The following CYP51A1 variants were observed in gnomAD, a reference collection of about 807,000 sequenced individuals.
CYP51A1 encodes the protein cytochrome P450 family 51 subfamily A member 1.
A neutral mutation model predicts 53.5 loss-of-function variants in CYP51A1; 45 were observed. That is an observed-to-expected ratio of 0.84 (90% CI 0.66 to 1.08). The LOEUF is 1.08. CYP51A1 is among the 50% of genes least tolerant of loss of function. The pLI is 0.00. For synonymous variants in CYP51A1, 181 were observed against 217.7 expected (o/e 0.83, Z 1.48); for missense variants, 462 against 621.7 (o/e 0.74, Z 2.73).
chr7:92,129,689 A>G (rs573246405), intron 2 of CYP51A1, among the ~76,000 whole-genome samples: 25 of 152,300 alleles, frequency 1.6e-4, no homozygotes, highest in African/African-American at 6.0e-4. Flanking sequence ...TACTGTCCCA[A>G]CTCACCAAGC....
chr7:92,120,353 C>T (rs190739455), intron 7 of CYP51A1, among the ~76,000 whole-genome samples: 98 of 152,308 alleles, frequency 6.4e-4, no homozygotes, highest in African/African-American at 2.2e-3. Context: ...GAATTCAAAA[C>T]TTATTACAAA....
intron 2 of CYP51A1, among the ~76,000 whole-genome samples, chr7:92,129,742 T>C (rs971217357): frequency 2.6e-5 from 4 of 152,112 alleles, no homozygotes; most frequent in Admixed American, 2.6e-4. Flanking sequence ...ATAATCACAT[T>C]AACAAACATA....
chr7:92,112,847 AGG>A lies in CYP51A1; in HGVS notation c.*816_*817del, dbSNP rs1473721046. On this transcript the variant is annotated 3_prime_UTR_variant, in exon 10 of 10. Transcript: ENST00000003100. ...CCATCTCAAAAAAAAAAAAAAAAAA[AGG>A]AAGCAGGGAACAACTGAGCCAAAAC... The A allele has an allele frequency of 2.7e-5, 4 of 150,512 alleles. No homozygotes were observed. The highest frequency in any genetic ancestry group is 7.5e-5 in the African/African-American group (3 of 40,262). The allele number at this position is 150,512 out of a possible 1,614,324, so 9.3% of individuals were successfully genotyped here.
chr7:92,130,278 C>T (rs1009429713), intron 2 of CYP51A1, among the ~76,000 whole-genome samples: 20 of 152,158 alleles, frequency 1.3e-4, no homozygotes, highest in African/African-American at 4.8e-4. Context: ...TCGTTTCTCT[C>T]ACCTATAAAA....
At chr7:92,113,880 T>A in intron 9 of CYP51A1, 37 bp from the exon 10 acceptor site, 2 of 1,441,068 alleles carry the variant, frequency 1.4e-6, no homozygotes, top group Non-Finnish European at 1.9e-6. Context: ...TCAGTTTAAA[T>A]TCTTTCTCAT....
Position 92,134,453 on chromosome 7 carries a change from G to T in CYP51A1, c.-89C>A. 7.2e-7 allele frequency: 1 copy of T among 1,388,702 alleles called. No homozygotes were observed. The highest frequency in any genetic ancestry group is 9.6e-7 in the Non-Finnish European group (1 of 1,040,038). The allele number at this position is 1,388,702 out of a possible 1,614,324, so 86.0% of individuals were successfully genotyped here. A position where few individuals can be genotyped will look rare whatever the true frequency, so the allele number is the denominator to read the frequency against. On this transcript the variant is annotated 5_prime_UTR_variant, in exon 1 of 10. Transcript: ENST00000003100. ...GAAGCTGGCAGATGGTCGTCCACAG[G>T]GGGCCTTGCCCCAGGTCTCCTACTA... is the stretch of plus-strand genomic sequence containing the variant.
At chr7:92,131,236 C>T (rs1819910679) in intron 2 of CYP51A1, among the ~76,000 whole-genome samples, 1 of 152,132 alleles carries the variant, frequency 6.6e-6, no homozygotes, top group African/African-American at 2.4e-5. Context: ...AATAGGATAT[C>T]TAAATTAATA....
intron 5 of CYP51A1, among the ~76,000 whole-genome samples, chr7:92,124,221 A>G (rs1202310270): frequency 2.0e-5 from 3 of 152,238 alleles, no homozygotes; most frequent in African/African-American, 4.8e-5. Context: ...TCCAATTTTA[A>G]TACCAAATCA....
chr7:92,133,324 G>A (rs970243552), intron 1 of CYP51A1, among the ~76,000 whole-genome samples: 3 of 150,906 alleles, frequency 2.0e-5, no homozygotes, highest in Non-Finnish European at 4.4e-5. Context: ...GCGCAATCTC[G>A]GTTTACTGCA....
chr7:92,114,727 A>G (rs1239186211), intron 9 of CYP51A1, among the ~76,000 whole-genome samples: 1 of 152,232 alleles, frequency 6.6e-6, no homozygotes, highest in East Asian at 1.9e-4. Flanking sequence ...TTCATGACTC[A>G]GGGGCTAAGC....
At position 92,134,415 on chromosome 7, in the gene CYP51A1, C is replaced by A. The variant is rs1379681027; in HGVS notation, c.-51G>T. On this transcript the variant is annotated 5_prime_UTR_variant, in exon 1 of 10. Transcript: ENST00000003100. ...CGAGGTCGCCACCGCTCCTCCCAATCGACGGAACGAGAGAAGCTGGCAGAT... is the reference window on the plus strand; with the variant it reads ...CGAGGTCGCCACCGCTCCTCCCAATAGACGGAACGAGAGAAGCTGGCAGAT... 3.4e-6 allele frequency: 5 copies of A among 1,488,048 alleles called. No individual in the cohort carries two copies. Among genetic ancestry groups the A allele is most frequent in the East Asian group, 2.5e-5 (1 of 40,072 alleles). 92.2% of individuals were successfully genotyped at this position (1,488,048 alleles called of 1,614,324 possible).
At chr7:92,127,122 C>T (rs1311688451) in intron 4 of CYP51A1, among the ~76,000 whole-genome samples, 1 of 152,192 alleles carries the variant, frequency 6.6e-6, no homozygotes, top group African/African-American at 2.4e-5. Context: ...ATTTATACAT[C>T]AGTTTCTTGT....
intron 3 of CYP51A1, among the ~76,000 whole-genome samples, chr7:92,128,331 T>C (rs894544175): frequency 8.6e-5 from 13 of 151,944 alleles, no homozygotes; most frequent in African/African-American, 2.9e-4. Context: ...CCATTACTTA[T>C]CAGTTATCCA....
intron 9 of CYP51A1, among the ~76,000 whole-genome samples, chr7:92,114,185 T>A (rs1819533778): frequency 6.6e-6 from 1 of 152,164 alleles, no homozygotes; most frequent in Non-Finnish European, 1.5e-5. Flanking sequence ...AAGCCCTAGT[T>A]AAAAGTCAAT....
chr7:92,130,950 T>C (rs1819904751), intron 2 of CYP51A1, among the ~76,000 whole-genome samples: 1 of 152,146 alleles, frequency 6.6e-6, no homozygotes, highest in Admixed American at 6.5e-5. Context: ...AAGAAACTAA[T>C]CTGGTGCAGA....
Position 92,117,074 on chromosome 7 carries a change from C to T in CYP51A1, c.1321G>A (p.Glu441Lys), listed in dbSNP as rs764811569. ...RYLQDNPASG[E>K]KFAYVPFGAG... The stretch of plus-strand genomic sequence containing the variant: ...CCAAATGGCACATAGGCAAACTTTT[C>T]CCCTGATGCTGGGTTATCCTGTAAG... The change falls in exon 9 of 10, where the codon GAA becomes AAA. Residue 441 changes from glutamate to lysine, a missense_variant. Glu to Lys is a moderately conservative substitution (Grantham distance 56, BLOSUM62 1). Coordinates refer to ENST00000003100, the MANE Select transcript of CYP51A1 (RefSeq NM_000786.4). 2 of 1,613,234 alleles carry T rather than the reference C, an allele frequency of 1.2e-6. No individual in the cohort carries two copies. The highest frequency in any genetic ancestry group is 2.2e-5 in the East Asian group (1 of 44,852).
rs570152970 is a variant in CYP51A1, at chr7:92,127,769, T to G, written c.469-138A>C. On this transcript the variant is annotated intron_variant, in intron 3 of 9. Transcript: ENST00000003100. The stretch of plus-strand genomic sequence containing the variant: ...CCTTTGGGCATTTACATTTTAAGAG[T>G]CTAAATGAATAGATCTATCTGACTC... 7 of 775,010 alleles carry G rather than the reference T, an allele frequency of 9.0e-6. No individual in the cohort carries two copies. The South Asian group carries it at 1.2e-4, about 13-fold the overall frequency. The allele number at this position is 775,010 out of a possible 1,614,324, so 48.0% of individuals were successfully genotyped here.
At chr7:92,125,759 G>A (rs1351190810) in intron 5 of CYP51A1, among the ~76,000 whole-genome samples, 1 of 152,210 alleles carries the variant, frequency 6.6e-6, no homozygotes, top group African/African-American at 2.4e-5. Flanking sequence ...ACTTTGGGAG[G>A]CTGAGGCAGG....
chr7:92,123,090 G>A, intron 7 of CYP51A1, 30 bp downstream of exon 7: 1 of 1,551,366 alleles, frequency 6.4e-7, no homozygotes, highest in Non-Finnish European at 8.8e-7. Context: ...AAGTCATAAG[G>A]CAGCAATGAA....
Sources: allele counts gnomAD v4.1 joint callset (sites outside exome capture counted in the v4.1 genomes callset), GRCh38; gene constraint gnomAD v4.1.1; transcripts MANE v1.5; gene names NCBI Gene and HGNC (gene_info 2026-07-23, HGNC 2026-07-21).